Variants in CYP4F11 observed in about 807,000 individuals in gnomAD.
The protein encoded by CYP4F11 is cytochrome P450 4F11.
In CYP4F11, 79 loss-of-function variants were observed where a neutral mutation model predicts 62.2. That is an observed-to-expected ratio of 1.27 (90% CI 1.06 to 1.53). The LOEUF is 1.53. Among genes scored for constraint, CYP4F11 ranks in the 40% most tolerant of loss-of-function variants. The pLI, the probability that CYP4F11 is intolerant of heterozygous loss-of-function variation, is 0.00. For missense variants in CYP4F11, 777 were observed against 680.5 expected, an observed-to-expected ratio of 1.14 and a Z score of -1.58; for synonymous variants, 290 against 263.7, an observed-to-expected ratio of 1.10 and a Z score of -0.97.
chr19:15,922,243 C>A, intron 7 of CYP4F11, 77 bp from the exon 8 acceptor site: 1 of 1,595,378 alleles, frequency 6.3e-7, no homozygotes, highest in East Asian at 2.2e-5. Context: ...AACTCTGAGG[C>A]CCTCAGGAGA....
Position 15,914,867 on chromosome 19 carries a change from T to A in CYP4F11, c.1144A>T (p.Thr382Ser). Residue 382 changes from threonine to serine, a missense_variant, in exon 9 of 12, where the codon ACC becomes TCC. Physicochemically the swap from Thr to Ser is moderately conservative, Grantham distance 58. Coordinates refer to ENST00000402119, the MANE Select transcript of CYP4F11 (RefSeq NM_021187.4). ...WDDLAQLPFL[T>S]MCIKESLRLH... is the part of the protein sequence containing the mutation. ...CGCAGGCTCTCCTTAATGCACATGG[T>A]CAGGAAGGGCAGCTGGGCCAGGTCG... 1.2e-6 allele frequency: 2 copies of A among 1,614,088 alleles called. No homozygotes were observed. The highest frequency in any genetic ancestry group is 1.7e-6 in the Non-Finnish European group (2 of 1,180,010).
At chr19:15,933,264 GGAGAGGAATGAGTGAGTGA>G (rs2089744464) in intron 1 of CYP4F11, among the ~76,000 whole-genome samples, 2 of 21,790 alleles carry the variant, frequency 9.2e-5, no homozygotes, top group African/African-American at 2.4e-4. Context: ...GAGTGAGCGA[GGAGAGGAATGAGTGAGTGA>G]GGAGAGGAAT....
chr19:15,915,341 G>A (rs1334076537), intron 8 of CYP4F11, among the ~76,000 whole-genome samples: 1 of 152,184 alleles, frequency 6.6e-6, no homozygotes, highest in Non-Finnish European at 1.5e-5. Context: ...GGTGGCAGAC[G>A]GTGATTTTAT....
intron 1 of CYP4F11, among the ~76,000 whole-genome samples, chr19:15,930,240 A>C (rs1244321655): frequency 2.6e-5 from 4 of 152,150 alleles, no homozygotes; most frequent in Non-Finnish European, 4.4e-5. Flanking sequence ...GATTCTGAAC[A>C]GCTGCAGAGA....
intron 6 of CYP4F11, among the ~76,000 whole-genome samples, chr19:15,923,574 C>G (rs1280587075): frequency 6.6e-6 from 1 of 152,152 alleles, no homozygotes; most frequent in African/African-American, 2.4e-5. Context: ...AAAAATATGT[C>G]AGCCTAACTT....
intron 4 of CYP4F11, 104 bp downstream of exon 4, chr19:15,927,108 G>A (rs748153911): frequency 5.5e-5 from 73 of 1,319,360 alleles, no homozygotes; most frequent in Non-Finnish European, 7.4e-5. Flanking sequence ...GGCTCAGAGA[G>A]GAAGAGCATT....
At chr19:15,919,440 A>ATGGT (rs1204484383) in intron 8 of CYP4F11, among the ~76,000 whole-genome samples, 6 of 151,192 alleles carry the variant, frequency 4.0e-5, no homozygotes, top group African/African-American at 1.5e-4. Context: ...GGATGGATGG[A>ATGGT]TGGATGGATG....
chr19:15,922,002 C>G (rs1478118391), intron 8 of CYP4F11, 35 bp downstream of exon 8: 1 of 1,535,286 alleles, frequency 6.5e-7, no homozygotes, highest in African/African-American at 1.4e-5. Flanking sequence ...GAACCAATGA[C>G]AAAAGATCAG....
chr19:15,926,540 G>A (rs140920449), intron 4 of CYP4F11, among the ~76,000 whole-genome samples: 7 of 152,268 alleles, frequency 4.6e-5, no homozygotes, highest in African/African-American at 1.7e-4. Context: ...GACCCTTTGA[G>A]TCTGTGCTAA....
chr19:15,912,765 G>GTA lies in CYP4F11; in HGVS notation c.*966_*967insTA, dbSNP rs1568479675. 4.2e-5 allele frequency: 1 copy of GTA among 24,034 alleles called. No homozygotes were observed. The allele number at this position is 24,034 out of a possible 1,614,324, so 1.5% of individuals were successfully genotyped here. A position where few individuals can be genotyped will look rare whatever the true frequency, so the allele number is the denominator to read the frequency against. ...TATATATGTGTGTGTGTGTGTGTGTGTGTGTGTATATATATATATATATAA... is the reference window on the plus strand; with the variant it reads ...TATATATGTGTGTGTGTGTGTGTGTGTATGTGTGTATATATATATATATATAA... On this transcript the variant is annotated 3_prime_UTR_variant, in exon 12 of 12. Transcript: ENST00000402119.
At chr19:15,925,605 C>G (rs898418092) in intron 4 of CYP4F11, among the ~76,000 whole-genome samples, 1 of 151,848 alleles carries the variant, frequency 6.6e-6, no homozygotes, top group African/African-American at 2.4e-5. Context: ...GTGGGTGCAG[C>G]AAACCACCAT....
intron 5 of CYP4F11, among the ~76,000 whole-genome samples, 166 bp downstream of exon 5, chr19:15,924,595 C>T (rs1331818593): frequency 4.6e-5 from 7 of 152,170 alleles, no homozygotes; most frequent in Admixed American, 4.6e-4. Flanking sequence ...CTTCCACAAC[C>T]TCATGTCTAC....
At chr19:15,922,209 G>C in intron 7 of CYP4F11, 43 bp from the exon 8 acceptor site, 1 of 1,600,088 alleles carries the variant, frequency 6.2e-7, no homozygotes, top group Non-Finnish European at 8.5e-7. Flanking sequence ...GGCTGCTTCA[G>C]CACCAGAGGG....
rs2089542619 is a variant in CYP4F11 at position 15,912,707 on chromosome 19, GTGTGTGTGTGT to G, written c.*1014_*1024del. 1.7e-5 allele frequency: 1 copy of G among 59,054 alleles called. No homozygotes were observed. The highest frequency in any genetic ancestry group is 2.0e-4 in the Admixed American group (1 of 4,960). The allele number at this position is 59,054 out of a possible 1,614,324, so 3.7% of individuals were successfully genotyped here. Reference sequence around the variant, plus strand: ...TATATATATATATATATGTGTGTGTGTGTGTGTGTGTGTGTGTGTGTGTGTGTATATGTATA... The same window carrying G: ...TATATATATATATATATGTGTGTGTGGTGTGTGTGTGTGTGTATATGTATA... On this transcript the variant is annotated 3_prime_UTR_variant, in exon 12 of 12. Coordinates refer to ENST00000402119, the MANE Select transcript of CYP4F11 (RefSeq NM_021187.4).
At chr19:15,927,173 C>G (rs748963920) in intron 4 of CYP4F11, 39 bp downstream of exon 4, 1 of 1,604,972 alleles carries the variant, frequency 6.2e-7, no homozygotes, top group Admixed American at 1.7e-5. Context: ...TCCCTCTACC[C>G]CAAGGCTCCA....
intron 1 of CYP4F11, among the ~76,000 whole-genome samples, chr19:15,933,086 AGAAGAATGAGTGAGTGAGG>A: frequency 2.1e-4 from 1 of 4,812 alleles, no homozygotes; most frequent in African/African-American, 9.3e-4. Flanking sequence ...GTGAGTGAGG[AGAAGAATGAGTGAGTGAGG>A]AGAGGAATGA....
chr19:15,921,340 G>T (rs1407363822), intron 8 of CYP4F11, among the ~76,000 whole-genome samples: 3 of 152,190 alleles, frequency 2.0e-5, no homozygotes, highest in African/African-American at 7.2e-5. Flanking sequence ...CTGAGTGGCT[G>T]GGATTACAGG....
upstream of CYP4F11, chr19:15,934,757 C>T (rs1377984519): frequency 8.3e-6 from 2 of 241,494 alleles, no homozygotes; most frequent in Admixed American, 5.8e-5. Context: ...CAGTCCCCTC[C>T]CCATCCCAGG....
In CYP4F11 at chr19:15,930,100, C is replaced by T. The variant is rs533493740; in HGVS notation, c.199-499G>A. Reference sequence around the variant, plus strand: ...GTCTCATACATGCATGAGATATAAGCGGGAAGATATCCTGTCAATTCAGTT... The same window carrying T: ...GTCTCATACATGCATGAGATATAAGTGGGAAGATATCCTGTCAATTCAGTT... On this transcript the variant is annotated intron_variant, in intron 1 of 11. Coordinates refer to ENST00000402119, the MANE Select transcript of CYP4F11 (RefSeq NM_021187.4). 1.8e-4 allele frequency among the ~76,000 whole-genome samples: 19 copies of T among 103,510 alleles called. 1 individual carries two copies. The South Asian group carries it at 4.9e-3, about 27-fold the overall frequency. The allele number at this position is 103,510 out of a possible 152,430, so 67.9% of individuals were successfully genotyped here. A position where few individuals can be genotyped will look rare whatever the true frequency, so the allele number is the denominator to read the frequency against.
Sources: gnomAD v4.1 joint callset for allele counts (sites outside exome capture counted in the v4.1 genomes callset) on GRCh38, gnomAD v4.1.1 for gene constraint, MANE v1.5 for transcripts, NCBI Gene and HGNC (gene_info 2026-07-23, HGNC 2026-07-21) for gene names.